Variants in STK11IP observed in about 807,000 individuals in gnomAD.
The protein encoded by STK11IP is serine/threonine kinase 11 interacting protein.
A neutral mutation model predicts 131.7 loss-of-function variants in STK11IP; 103 were observed. The observed-to-expected ratio is 0.78, with a 90% CI of 0.67 to 0.92. The LOEUF is 0.92. Among genes scored for constraint, STK11IP ranks in the 40% least tolerant of loss-of-function variants. The pLI is 0.00. For missense variants in STK11IP, 1,315 were observed against 1,385.7 expected (o/e 0.95, Z 0.81); for synonymous variants, 557 against 575.6 (o/e 0.97, Z 0.46).
chr2:219,601,746 A>G, intron 4 of STK11IP, 31 bp downstream of exon 4: 1 of 1,577,886 alleles, frequency 6.3e-7, no homozygotes, highest in Non-Finnish European at 8.6e-7. Flanking sequence ...GTTGGTGCAC[A>G]GCACCCAACT....
chr2:219,613,673 G>C (rs1446328656), intron 20 of STK11IP, 79 bp from the exon 21 acceptor site: 2 of 1,552,388 alleles, frequency 1.3e-6, no homozygotes, highest in Non-Finnish European at 1.8e-6. Context: ...AGTGAGGCAG[G>C]TGCAGCTGGG....
chr2:219,601,618 T>A, intron 3 of STK11IP, 23 bp from the exon 4 acceptor site: 1 of 1,511,144 alleles, frequency 6.6e-7, no homozygotes, highest in Non-Finnish European at 8.9e-7. Flanking sequence ...CCTCAGTAAA[T>A]TGAGTTTTTT....
Position 219,605,994 on chromosome 2 carries a change from GCATACAACCTGCTGGAAGGA to G in STK11IP, c.787_806del (p.Tyr263ProfsTer11), listed in dbSNP as rs1698139173. The G allele has an allele frequency of 6.2e-7, 1 of 1,609,240 alleles. No individual in the cohort carries two copies. The highest frequency in any genetic ancestry group is 1.3e-5 in the African/African-American group (1 of 74,858). On this transcript the variant is annotated frameshift_variant, in exon 9 of 25. Coordinates refer to ENST00000456909, the MANE Select transcript of STK11IP (RefSeq NM_052902.4). LOFTEE classifies it high-confidence loss of function. ...GAGGAATCTGCGGCACCTGGATTTG[GCATACAACCTGCTGGAAGGA>G]CACCGGGAGCTGTCACCACTGTGGC...
chr2:219,607,281 C>T (rs1208823023), intron 13 of STK11IP, 144 bp downstream of exon 13: 1 of 817,646 alleles, frequency 1.2e-6, no homozygotes, highest in South Asian at 1.9e-5. Flanking sequence ...TTTTTCTTTT[C>T]TTTTAGTTTA....
rs749443529 is a variant in STK11IP at position 219,609,231 on chromosome 2, G to A, written c.1926+18G>A. 2 of 1,583,780 alleles carry A rather than the reference G, an allele frequency of 1.3e-6. No individual in the cohort carries two copies. The highest frequency in any genetic ancestry group is 2.3e-5 in the East Asian group (1 of 43,324). ...CTGTCCAGGTGATGGCGCCCAGAGT[G>A]GGGGCCCAGGAGGCTGTGGGGATTA... On this transcript the variant is annotated intron_variant, in intron 16 of 24. Transcript: ENST00000456909.
rs1697979680 is a variant in STK11IP, at chr2:219,601,432, T to A, written c.259T>A (p.Ser87Thr). The change falls in exon 3 of 25, where the codon TCA becomes ACA. Residue 87 changes from serine (S) to threonine (T), a missense_variant. Ser to Thr is a moderately conservative substitution (Grantham distance 58). Coordinates refer to ENST00000456909, the MANE Select transcript of STK11IP (RefSeq NM_052902.4). ...FLFDVLQKTLSLKLVHVAGPG... is the reference protein window; with the variant it reads ...FLFDVLQKTLTLKLVHVAGPG... ...CTTCGATGTGCTGCAGAAAACACTT[T>A]CACTCAAGGTTCTGGGTGTGGGGAA... is the stretch of plus-strand genomic sequence containing the variant. 2 of 1,614,060 alleles carry A rather than the reference T, an allele frequency of 1.2e-6. No individual in the cohort carries two copies. The highest frequency in any genetic ancestry group is 1.7e-6 in the Non-Finnish European group (2 of 1,179,906).
intron 23 of STK11IP, chr2:219,614,807 G>A (rs1227012058): frequency 5.4e-5 from 35 of 650,360 alleles, no homozygotes; most frequent in Middle Eastern, 3.9e-4. Flanking sequence ...GTGGAGCAGC[G>A]TGGCTGAGTC....
At chr2:219,615,805 CT>C (rs1220956383) in intron 24 of STK11IP, 2 of 712,014 alleles carry the variant, frequency 2.8e-6, no homozygotes, top group Non-Finnish European at 5.2e-6. Context: ...GAGCCCGCAT[CT>C]TCTGTACAAC....
chr2:219,612,429 T>G (rs1249158862), intron 19 of STK11IP, among the ~76,000 whole-genome samples: 4 of 152,244 alleles, frequency 2.6e-5, no homozygotes, highest in Non-Finnish European at 5.9e-5. Context: ...AGATCAATCT[T>G]GCCCTTGATC....
In STK11IP at chr2:219,613,209, G is replaced by A; in HGVS notation, c.2521G>A (p.Val841Met). 1 of 1,602,482 alleles carries A rather than the reference G, an allele frequency of 6.2e-7. No individual in the cohort carries two copies. The highest frequency in any genetic ancestry group is 8.5e-7 in the Non-Finnish European group (1 of 1,173,916). Residue 841 changes from valine (V) to methionine (M), a missense_variant, in exon 20 of 25, where the codon GTG becomes ATG. Val to Met is a conservative substitution (Grantham distance 21). Transcript: ENST00000456909. ...VSDRRLYLLKVTGEMREPPAS... is the reference protein window; with the variant it reads ...VSDRRLYLLKMTGEMREPPAS... ...TGACCGCAGGCTGTACCTGTTGAAG[G>A]TGACTGGGGAGATGCGGTGAGTGAG... is the stretch of plus-strand genomic sequence containing the variant.
chr2:219,606,946 T>C, intron 12 of STK11IP, 88 bp downstream of exon 12: 1 of 1,591,164 alleles, frequency 6.3e-7, no homozygotes, highest in Non-Finnish European at 8.6e-7. Flanking sequence ...TGGTAGGAAC[T>C]GTGCTTGCAC....
At position 219,601,232 on chromosome 2, in the gene STK11IP, CAGGGGATGTGGTCCTGTCTGGCTGT is replaced by C. The variant is rs1240880465; in HGVS notation, c.62_86del (p.Gly21AlafsTer3). 3 of 1,603,310 alleles carry C rather than the reference CAGGGGATGTGGTCCTGTCTGGCTGT, an allele frequency of 1.9e-6. No homozygotes were observed. Among genetic ancestry groups the C allele is most frequent in the Non-Finnish European group, 2.6e-6 (3 of 1,173,088 alleles). ...TCCCTCCTGTTTGCCCCTTTTTCTG[CAGGGGATGTGGTCCTGTCTGGCTGT>C]AGCACCCTGAGCCTGCTGACTCCCA... On this transcript the variant is annotated splice_acceptor_variant and coding_sequence_variant, in exon 3 of 25. Coordinates refer to ENST00000456909, the MANE Select transcript of STK11IP (RefSeq NM_052902.4). LOFTEE classifies it high-confidence loss of function.
chr2:219,612,260 C>T (rs1305834139), intron 19 of STK11IP, among the ~76,000 whole-genome samples: 2 of 152,226 alleles, frequency 1.3e-5, no homozygotes, highest in Non-Finnish European at 2.9e-5. Flanking sequence ...ATGGAGATAA[C>T]GATGCCTCCC....
At chr2:219,606,651 G>A in intron 11 of STK11IP, 61 bp from the exon 12 acceptor site, 1 of 1,594,772 alleles carries the variant, frequency 6.3e-7, no homozygotes, top group South Asian at 1.1e-5. Context: ...TGGCTGGCTT[G>A]GGCAAGGCAG....
At position 219,609,431 on chromosome 2, in the gene STK11IP, C is replaced by T. The variant is rs868527791; in HGVS notation, c.1995C>T (p.Leu665=). ...AREQLGEARD[L]LLGRFQCLRC... is the part of the protein sequence containing the mutation. ...AACAGCTTGGGGAGGCCAGGGACCT[C>T]CTGCTGGGTAGATTCCAGTGTCTAC... The change falls in exon 17 of 25, where the codon CTC becomes CTT. Residue 665 remains leucine, a synonymous_variant. Coordinates refer to ENST00000456909, the MANE Select transcript of STK11IP (RefSeq NM_052902.4). 1.2e-6 allele frequency: 2 copies of T among 1,612,796 alleles called. No homozygotes were observed. Among genetic ancestry groups the T allele is most frequent in the Non-Finnish European group, 1.7e-6 (2 of 1,179,640 alleles).
At chr2:219,609,595 A>G (rs1424942212) in intron 17 of STK11IP, 55 bp downstream of exon 17, 1 of 1,547,816 alleles carries the variant, frequency 6.5e-7, no homozygotes, top group South Asian at 1.2e-5. Context: ...TTCCAGGGAA[A>G]GTGGCTCTGT....
intron 13 of STK11IP, among the ~76,000 whole-genome samples, chr2:219,607,599 C>T (rs1179410721): frequency 6.6e-6 from 1 of 151,858 alleles, no homozygotes; most frequent in African/African-American, 2.4e-5. Context: ...TTCAAGGTTG[C>T]AGTGAGCTAT....
rs772438001 is a variant in STK11IP, at chr2:219,608,027, T to G, written c.1220-20T>G. On this transcript the variant is annotated intron_variant, in intron 13 of 24. Transcript: ENST00000456909. ...TGTGTGGGGCAGGCTTGCTCAGTTC[T>G]GGGTTCCCCTCCTGCCTAGGATGGT... The G allele has an allele frequency of 1.2e-6, 2 of 1,603,722 alleles. No individual in the cohort carries two copies. The highest frequency in any genetic ancestry group is 1.7e-6 in the Non-Finnish European group (2 of 1,174,590).
chr2:219,603,851 C>T (rs567772097), intron 7 of STK11IP, among the ~76,000 whole-genome samples: 13 of 152,202 alleles, frequency 8.5e-5, no homozygotes, highest in African/African-American at 3.1e-4. Context: ...CAGTGATAAA[C>T]TATTGCAGCG....
Sources: allele counts gnomAD v4.1 joint callset (sites outside exome capture counted in the v4.1 genomes callset), GRCh38; gene constraint gnomAD v4.1.1; transcripts MANE v1.5; gene names NCBI Gene and HGNC (gene_info 2026-07-23, HGNC 2026-07-21).